Variants in KLRD1 observed in about 807,000 individuals in gnomAD.
KLRD1 encodes natural killer cells antigen CD94.
Under a neutral mutation model 22.6 loss-of-function variants are expected in KLRD1, and 21 were observed. The observed-to-expected ratio is 0.93, with a 90% CI of 0.66 to 1.34. The LOEUF (loss-of-function observed/expected upper bound fraction) is 1.34, where lower values mean the gene tolerates loss of function less well. KLRD1 is among the 40% of genes most tolerant of loss of function. KLRD1 has a pLI of 0.00. For synonymous variants in KLRD1, 59 were observed against 71.1 expected (o/e 0.83, Z 0.85); for missense variants, 183 against 208.6 (o/e 0.88, Z 0.76).
intron 4 of KLRD1, among the ~76,000 whole-genome samples, chr12:10,313,125 C>G (rs1334984586): frequency 2.0e-5 from 3 of 152,066 alleles, no homozygotes; most frequent in Non-Finnish European, 4.4e-5. Context: ...AATCTTTGAT[C>G]CCCCGTGAAG....
chr12:10,253,965 C>T (rs1349224897), intron 1 of KLRD1, among the ~76,000 whole-genome samples: 1 of 152,092 alleles, frequency 6.6e-6, no homozygotes, highest in Non-Finnish European at 1.5e-5. Context: ...AATGGTAGTT[C>T]TGTCTAAAAC....
chr12:10,251,749 C>T (rs1357598271), intron 1 of KLRD1, among the ~76,000 whole-genome samples: 3 of 151,844 alleles, frequency 2.0e-5, no homozygotes, highest in East Asian at 1.9e-4. Flanking sequence ...ATTGGATTCT[C>T]ATAAGAAGCA....
intron 1 of KLRD1, among the ~76,000 whole-genome samples, chr12:10,291,621 T>A (rs1949771102): frequency 1.3e-5 from 2 of 151,772 alleles, no homozygotes; most frequent in African/African-American, 4.8e-5. Flanking sequence ...ACATCTTTTT[T>A]TTTTTTTTTT....
chr12:10,280,867 C>T (rs1417415442), intron 1 of KLRD1, among the ~76,000 whole-genome samples: 5 of 152,094 alleles, frequency 3.3e-5, no homozygotes, highest in Admixed American at 2.0e-4. Flanking sequence ...ACTGGGAACC[C>T]GTTGCACATC....
intron 1 of KLRD1, among the ~76,000 whole-genome samples, chr12:10,284,092 C>G (rs1949674308): frequency 6.6e-6 from 1 of 151,142 alleles, no homozygotes; most frequent in South Asian, 2.1e-4. Context: ...GAGGCTGAGG[C>G]AGGAGAATCA....
At chr12:10,309,067 G>A (rs1226695551) in intron 1 of KLRD1, 8 of 211,778 alleles carry the variant, frequency 3.8e-5, no homozygotes, top group Admixed American at 1.0e-4. Flanking sequence ...AAAACACAAC[G>A]TGGTGCTTGT....
At chr12:10,284,533 A>G (rs1377216806) in intron 1 of KLRD1, among the ~76,000 whole-genome samples, 1 of 152,224 alleles carries the variant, frequency 6.6e-6, no homozygotes, top group East Asian at 1.9e-4. Flanking sequence ...TTTTTGTTTT[A>G]TACATTTTGC....
At chr12:10,244,827 A>C (rs541473894) in intron 1 of KLRD1, among the ~76,000 whole-genome samples, 1 of 152,122 alleles carries the variant, frequency 6.6e-6, no homozygotes, top group East Asian at 1.9e-4. Context: ...AACAAACAAA[A>C]AAACTTCATT....
intron 1 of KLRD1, among the ~76,000 whole-genome samples, chr12:10,251,503 C>A (rs56014357): frequency 2.0e-5 from 3 of 151,862 alleles, no homozygotes; most frequent in Non-Finnish European, 4.4e-5. Flanking sequence ...CCCCAGGGAC[C>A]GGTTTCATGA....
Position 10,327,266 on chromosome 12 carries a change from G to A in KLRD1, c.*12473G>A, listed in dbSNP as rs1002597429. The A allele has an allele frequency of 1.6e-4, 24 of 152,062 alleles. No individual in the cohort carries two copies. Among genetic ancestry groups the A allele is most frequent in the African/African-American group, 5.8e-4 (24 of 41,420 alleles). 9.4% of individuals were successfully genotyped at this position (152,062 alleles called of 1,614,324 possible). ...AATTGGTCTATATGTTCATCTTTAT[G>A]CCAGTGCCATATTGTTTCAATTATT... On this transcript the variant is annotated 3_prime_UTR_variant, in exon 6 of 6. Coordinates refer to ENST00000336164, the MANE Select transcript of KLRD1 (RefSeq NM_002262.5).
At chr12:10,307,850 T>C, upstream of KLRD1, 1 of 524,794 alleles carries the variant, frequency 1.9e-6, no homozygotes, top group South Asian at 2.8e-5. Context: ...CTTCAGAGGC[T>C]TGTGATTCTA....
At chr12:10,242,891 T>A (rs1001981325) in intron 1 of KLRD1, among the ~76,000 whole-genome samples, 10 of 152,178 alleles carry the variant, frequency 6.6e-5, no homozygotes, top group Non-Finnish European at 1.2e-4. Context: ...ATCTAAGTGT[T>A]CATTGGGATG....
At chr12:10,296,538 A>C (rs889937810) in intron 1 of KLRD1, among the ~76,000 whole-genome samples, 1 of 151,388 alleles carries the variant, frequency 6.6e-6, no homozygotes, top group Admixed American at 6.6e-5. Flanking sequence ...AAAAAAAACC[A>C]CACACACACA....
rs1020455749 is a variant in KLRD1, at chr12:10,325,931, A to T, written c.*11138A>T. 4 of 152,188 alleles carry T rather than the reference A, an allele frequency of 2.6e-5. No homozygotes were observed. The highest frequency in any genetic ancestry group is 9.7e-5 in the African/African-American group (4 of 41,442). 9.4% of individuals were successfully genotyped at this position (152,188 alleles called of 1,614,324 possible). On this transcript the variant is annotated 3_prime_UTR_variant, in exon 6 of 6. Transcript: ENST00000336164. The stretch of plus-strand genomic sequence containing the variant: ...CAGCACAATTTTTCATTCCCACCAA[A>T]GTGTTCAAGGGGTCTAATTACCCCA...
At chr12:10,296,522 A>G (rs1949823238) in intron 1 of KLRD1, among the ~76,000 whole-genome samples, 1 of 152,050 alleles carries the variant, frequency 6.6e-6, no homozygotes, top group Admixed American at 6.5e-5. Context: ...TCTCAAAAAT[A>G]AAAATAAAAA....
chr12:10,289,294 T>C (rs1251379817), intron 1 of KLRD1, among the ~76,000 whole-genome samples: 3 of 152,238 alleles, frequency 2.0e-5, no homozygotes, highest in Admixed American at 2.0e-4. Context: ...TGCAGCTCTT[T>C]CATGAGGTTC....
chr12:10,245,184 T>C (rs1949279596), intron 1 of KLRD1, among the ~76,000 whole-genome samples: 1 of 151,914 alleles, frequency 6.6e-6, no homozygotes, highest in East Asian at 1.9e-4. Flanking sequence ...ATGGTGAAAC[T>C]CTGCCTCTAC....
intron 1 of KLRD1, among the ~76,000 whole-genome samples, chr12:10,265,594 T>C (rs1289534164): frequency 6.6e-6 from 1 of 152,106 alleles, no homozygotes; most frequent in Non-Finnish European, 1.5e-5. Context: ...CTGTATCTAT[T>C]AAAAATACAA....
At chr12:10,264,345 A>T (rs1267831401) in intron 1 of KLRD1, among the ~76,000 whole-genome samples, 1 of 152,136 alleles carries the variant, frequency 6.6e-6, no homozygotes, top group African/African-American at 2.4e-5. Context: ...GCTTCTGTTT[A>T]TCAGGATATT....
Sources: allele counts gnomAD v4.1 joint callset (sites outside exome capture counted in the v4.1 genomes callset), GRCh38; gene constraint gnomAD v4.1.1; transcripts MANE v1.5; gene names NCBI Gene and HGNC (gene_info 2026-07-23, HGNC 2026-07-21).